The following OTOF variants were observed in gnomAD, a reference collection of about 807,000 sequenced individuals.
OTOF encodes fer-1-like family member 2.
OTOF carries 218 observed loss-of-function variants against 236.8 expected under a neutral mutation model. The ratio of observed to expected loss-of-function variants is 0.92; its 90% CI spans 0.82 to 1.03. The LOEUF (loss-of-function observed/expected upper bound fraction) is 1.03, where lower values mean the gene tolerates loss of function less well. Among genes scored for constraint, OTOF ranks in the 50% least tolerant of loss-of-function variants. The probability of loss-of-function intolerance (pLI) is 0.00; values close to 1 mark genes in which losing one functional copy is unlikely to be tolerated. For missense variants in OTOF, 2,590 were observed against 2,694.4 expected (o/e 0.96, Z 0.86); for synonymous variants, 1,041 against 1,072.5 (o/e 0.97, Z 0.57).
At chr2:26,503,366 C>A (rs1362281526) in intron 6 of OTOF, among the ~76,000 whole-genome samples, 3 of 152,246 alleles carry the variant, frequency 2.0e-5, no homozygotes, top group East Asian at 1.9e-4. Context: ...TCCCCAAAGG[C>A]CAGGCTGCAG....
In OTOF at chr2:26,460,019, C is replaced by A; in HGVS notation, c.*6G>T. 6.4e-7 allele frequency: 1 copy of A among 1,564,738 alleles called. No homozygotes were observed. The highest frequency in any genetic ancestry group is 8.7e-7 in the Non-Finnish European group (1 of 1,154,616). Reference sequence around the variant, plus strand: ...AAGAAATATCAGACCCAGGAGGCCACTGGGCTCAGGCCCCGAGGATTTTCT... The same window carrying A: ...AAGAAATATCAGACCCAGGAGGCCAATGGGCTCAGGCCCCGAGGATTTTCT... On this transcript the variant is annotated 3_prime_UTR_variant, in exon 46 of 47. Transcript: ENST00000272371. This position sits in a 1 kb window ranked among gnomAD's most constrained non-coding sequence, Gnocchi z 5.3.
intron 14 of OTOF, among the ~76,000 whole-genome samples, chr2:26,481,753 C>T (rs1288271465): frequency 3.3e-5 from 5 of 152,120 alleles, no homozygotes; most frequent in Non-Finnish European, 7.4e-5. Context: ...GCAGTTAGTC[C>T]CAATCCCCTC....
chr2:26,500,719 T>C (rs1331671277), intron 8 of OTOF, among the ~76,000 whole-genome samples: 1 of 152,194 alleles, frequency 6.6e-6, no homozygotes, highest in African/African-American at 2.4e-5. Context: ...AGATGAAGTA[T>C]ATTCTGGAGA....
intron 6 of OTOF, among the ~76,000 whole-genome samples, chr2:26,502,634 C>A (rs1322989600): frequency 6.6e-5 from 10 of 152,172 alleles, no homozygotes. Context: ...CTGGTCTTGC[C>A]TTTTTATTTT....
In OTOF at chr2:26,477,000, T is replaced by C; in HGVS notation, c.2567A>G (p.Asn856Ser). ...ACGGGCATAGGCGACACGCTTGTTG[T>C]TGCTCATCATCCAGATGAAGATGTC... ...IPDIFIWMMSNNKRVAYARVP... is the reference protein window; with the variant it reads ...IPDIFIWMMSSNKRVAYARVP... The change falls in exon 22 of 47, where the codon AAC (asparagine) becomes AGC (serine). Residue 856 changes from asparagine to serine, a missense_variant. Coordinates refer to ENST00000272371, the MANE Select transcript of OTOF (RefSeq NM_194248.3). 6.2e-7 allele frequency: 1 copy of C among 1,611,346 alleles called. No individual in the cohort carries two copies. The highest frequency in any genetic ancestry group is 8.5e-7 in the Non-Finnish European group (1 of 1,179,376).
chr2:26,483,429 A>G, intron 13 of OTOF, 33 bp downstream of exon 13: 1 of 1,605,880 alleles, frequency 6.2e-7, no homozygotes, highest in Non-Finnish European at 8.5e-7. Flanking sequence ...CCTGTCACCC[A>G]GCCCCAGCCT....
At chr2:26,487,756 CA>C (rs1397829855) in intron 11 of OTOF, among the ~76,000 whole-genome samples, 1 of 152,224 alleles carries the variant, frequency 6.6e-6, no homozygotes, top group Non-Finnish European at 1.5e-5. Flanking sequence ...AGCTTATCCT[CA>C]GGGATGCCAG....
At chr2:26,551,980 A>G (rs1398868973) in intron 1 of OTOF, among the ~76,000 whole-genome samples, 1 of 152,040 alleles carries the variant, frequency 6.6e-6, no homozygotes, top group Non-Finnish European at 1.5e-5. Flanking sequence ...CAAATGAAGC[A>G]AGATTGGCCA....
chr2:26,503,107 G>A (rs574051694), intron 6 of OTOF, among the ~76,000 whole-genome samples: 1 of 152,318 alleles, frequency 6.6e-6, no homozygotes, highest in South Asian at 2.1e-4. Flanking sequence ...CTGAGGGCCA[G>A]TAGGCCACAG....
At chr2:26,472,041 A>ACATGCACATGCTCATACCACATG (rs1665004536) in intron 30 of OTOF, among the ~76,000 whole-genome samples, 1 of 151,994 alleles carries the variant, frequency 6.6e-6, no homozygotes, top group Non-Finnish European at 1.5e-5. Flanking sequence ...ATGCACACAT[A>ACATGCACATGCTCATACCACATG]CATGCACATG....
rs745503114 is a variant in OTOF, at chr2:26,558,559, T to C, written c.13A>G (p.Ile5Val). The change falls in exon 1 of 47, where the codon ATC (isoleucine) becomes GTC (valine). Residue 5 changes from isoleucine (I) to valine (V), a missense_variant. Ile to Val is a conservative substitution (Grantham distance 29). Around this residue, in one of 2 missense-constraint regions of OTOF, gnomAD observed 1,379 missense variants for 1,341.6 expected, o/e 1.03. Coordinates refer to ENST00000272371, the MANE Select transcript of OTOF (RefSeq NM_194248.3). ...AGCTCCGAGACTGTCTTGAGGTGGA[T>C]GAGCAAGGCCATGCTGGTGTGGGCT... MALL[I>V]HLKTVSELRG... 1 of 1,613,762 alleles carries C rather than the reference T, an allele frequency of 6.2e-7. No individual in the cohort carries two copies. Among genetic ancestry groups the C allele is most frequent in the Non-Finnish European group, 8.5e-7 (1 of 1,179,830 alleles).
At chr2:26,463,419 G>A (rs1664575482) in intron 41 of OTOF, 64 bp downstream of exon 41, 1 of 1,341,278 alleles carries the variant, frequency 7.5e-7, no homozygotes, top group South Asian at 1.2e-5. Flanking sequence ...GGAAGGGTTG[G>A]GCCGTGGTGG....
At chr2:26,480,677 T>A in intron 15 of OTOF, 109 bp downstream of exon 15, 1 of 887,930 alleles carries the variant, frequency 1.1e-6, no homozygotes, top group East Asian at 2.5e-5. Context: ...GAGGTATGAC[T>A]CCTCAGGTAG....
rs76712142 is a variant in OTOF at position 26,516,408 on chromosome 2, T to C, written c.509+10A>G. 6.6e-3 allele frequency: 10,618 copies of C among 1,612,670 alleles called. 620 individuals are homozygous for C. In the African/African-American group the frequency reaches 0.12, roughly 18 times the overall value. On this transcript the variant is annotated intron_variant, in intron 5 of 46. Transcript: ENST00000272371. ...GAGCAGTGGGCAGCCAGAGGGGTCCTGCCTGTTACCTCCGGAAGCTCTTCT... is the reference window on the plus strand; with the variant it reads ...GAGCAGTGGGCAGCCAGAGGGGTCCCGCCTGTTACCTCCGGAAGCTCTTCT...
At chr2:26,536,522 G>A (rs996369713) in intron 2 of OTOF, among the ~76,000 whole-genome samples, 2 of 152,078 alleles carry the variant, frequency 1.3e-5, no homozygotes, top group Admixed American at 1.3e-4. Flanking sequence ...AGTGAGGAGC[G>A]AGGTTTTGCT....
chr2:26,540,412 C>T (rs978891309), intron 1 of OTOF, among the ~76,000 whole-genome samples: 1 of 152,188 alleles, frequency 6.6e-6, no homozygotes, highest in African/African-American at 2.4e-5. Context: ...GCTAGAGCGG[C>T]GTCAGGCCAA....
In OTOF at chr2:26,541,250, G is replaced by C. The variant is rs1667206462; in HGVS notation, c.80-3476C>G. ...CCGAGGATCAAACCCTCCCCTGCTTGTGCATTTTTCCATAGCTTTGTTAGA... is the reference window on the plus strand; with the variant it reads ...CCGAGGATCAAACCCTCCCCTGCTTCTGCATTTTTCCATAGCTTTGTTAGA... On this transcript the variant is annotated intron_variant, in intron 1 of 46. Coordinates refer to ENST00000272371, the MANE Select transcript of OTOF (RefSeq NM_194248.3). Among the ~76,000 whole-genome samples the C allele has an allele frequency of 2.6e-5, 4 of 152,132 alleles. No individual in the cohort carries two copies. In the South Asian group the frequency reaches 8.3e-4, roughly 31 times the overall value.
chr2:26,507,202 A>C (rs1666271173), intron 5 of OTOF, among the ~76,000 whole-genome samples: 1 of 152,218 alleles, frequency 6.6e-6, no homozygotes, highest in African/African-American at 2.4e-5. Context: ...TGAAGGATGT[A>C]ATTTCCAGAA....
At chr2:26,469,829 G>T in intron 32 of OTOF, among the ~76,000 whole-genome samples, 1 of 152,216 alleles carries the variant, frequency 6.6e-6, no homozygotes. Context: ...TCACAGAAAG[G>T]GCCTGGGAGA....
Sources: gnomAD v4.1 joint callset for allele counts (sites outside exome capture counted in the v4.1 genomes callset) on GRCh38, gnomAD v4.1.1 for gene constraint, gnomAD v4.1.1 regional missense constraint, Gnocchi (gnomAD v3.1) non-coding constraint, MANE v1.5 for transcripts, NCBI Gene and HGNC (gene_info 2026-07-23, HGNC 2026-07-21) for gene names.